Variants in MFSD6 observed in about 807,000 individuals in gnomAD.
MFSD6 encodes the protein major facilitator superfamily domain containing 6, also known as major facilitator superfamily domain-containing protein 6.
Under a neutral mutation model 56.3 loss-of-function variants are expected in MFSD6, and 26 were observed. That is an observed-to-expected ratio of 0.46 (90% CI 0.34 to 0.64). MFSD6 has a LOEUF of 0.64. Ranked by LOEUF, MFSD6 falls within the 30% of genes least tolerant of loss-of-function variation. The pLI is 0.01. For synonymous variants in MFSD6, 331 were observed against 366.9 expected, an observed-to-expected ratio of 0.90 and a Z score of 1.12; for missense variants, 750 against 986.2, an observed-to-expected ratio of 0.76 and a Z score of 3.21.
At chr2:190,453,117 A>C (rs1433537144) in intron 3 of MFSD6, among the ~76,000 whole-genome samples, 3 of 152,140 alleles carry the variant, frequency 2.0e-5, no homozygotes, top group Admixed American at 1.3e-4. Context: ...CAGAAATGTT[A>C]GGTTTGGTGC....
intron 2 of MFSD6, among the ~76,000 whole-genome samples, chr2:190,432,427 T>C (rs1033312042): frequency 6.6e-6 from 1 of 152,112 alleles, no homozygotes; most frequent in Non-Finnish European, 1.5e-5. Flanking sequence ...TTTGTTTTTG[T>C]TTTTTGAGAC....
rs1324965473 is a variant in MFSD6 at position 190,415,851 on chromosome 2, A to G, written c.-54+438A>G. On this transcript the variant is annotated intron_variant, in intron 2 of 7. Transcript: ENST00000392328. The surrounding 1 kb of genome is among the most constrained non-coding windows in gnomAD (Gnocchi z 4.5). ...TTCTGGTCTCAATTGTAAACTCATA[A>G]AAGGTCTGAGAAAGAAGCACCCATA... Among the ~76,000 whole-genome samples, 3 of 152,214 alleles carry G rather than the reference A, an allele frequency of 2.0e-5. No homozygotes were observed. The highest frequency in any genetic ancestry group is 2.9e-5 in the Non-Finnish European group (2 of 68,034).
At chr2:190,422,488 G>A (rs1010916866) in intron 2 of MFSD6, among the ~76,000 whole-genome samples, 2 of 152,188 alleles carry the variant, frequency 1.3e-5, no homozygotes, top group Admixed American at 6.5e-5. Flanking sequence ...GAAATTGCAT[G>A]TGTAAAATGT....
In MFSD6 at chr2:190,490,952, A is replaced by G. The variant is rs1689311579; in HGVS notation, c.1891+1086A>G. Among the ~76,000 whole-genome samples, 2 of 152,206 alleles carry G rather than the reference A, an allele frequency of 1.3e-5. No homozygotes were observed. Among genetic ancestry groups the G allele is most frequent in the South Asian group, 4.1e-4 (2 of 4,832 alleles). The stretch of plus-strand genomic sequence containing the variant: ...CTTACTTTTGTTCTTTTATAATCCT[A>G]AATGGATTCTCTCTCTTACACAGCC... On this transcript the variant is annotated intron_variant, in intron 6 of 7. Coordinates refer to ENST00000392328, the MANE Select transcript of MFSD6 (RefSeq NM_017694.4). The surrounding 1 kb of genome is among the most constrained non-coding windows in gnomAD (Gnocchi z 4.5).
intron 3 of MFSD6, among the ~76,000 whole-genome samples, chr2:190,442,384 G>A (rs1293560747): frequency 6.6e-6 from 1 of 152,144 alleles, no homozygotes; most frequent in Non-Finnish European, 1.5e-5. Flanking sequence ...TGGATGCTGG[G>A]ATCAGTAACC....
In MFSD6 at chr2:190,489,459, A is replaced by G. The variant is rs1345036059; in HGVS notation, c.1793-309A>G. 6.6e-6 allele frequency among the ~76,000 whole-genome samples: 1 copy of G among 152,182 alleles called. No homozygotes were observed. Among genetic ancestry groups the G allele is most frequent in the Non-Finnish European group, 1.5e-5 (1 of 68,030 alleles). On this transcript the variant is annotated intron_variant, in intron 5 of 7. Transcript: ENST00000392328. The surrounding 1 kb of genome is among the most constrained non-coding windows in gnomAD (Gnocchi z 6.6). ...GTGCTGTTAGTTAATAATTGGGTAA[A>G]TGGTCTTTTCATATGAAGAGGAGAG...
chr2:190,467,691 TG>T lies in MFSD6; in HGVS notation c.1533-2066del, dbSNP rs1323508757. ...CACTGACCAAATCTGGCCTGCTGCC[TG>T]TTTTTATATGGCCCGTGAACTAAGA... On this transcript the variant is annotated intron_variant, in intron 3 of 7. Coordinates refer to ENST00000392328, the MANE Select transcript of MFSD6 (RefSeq NM_017694.4). This position sits in a 1 kb window ranked among gnomAD's most constrained non-coding sequence, Gnocchi z 5.5. 6.6e-6 allele frequency among the ~76,000 whole-genome samples: 1 copy of T among 152,194 alleles called. No homozygotes were observed. The highest frequency in any genetic ancestry group is 1.5e-5 in the Non-Finnish European group (1 of 68,036).
At chr2:190,408,193 G>A (rs1249815715), upstream of MFSD6, among the ~76,000 whole-genome samples, 1 of 151,938 alleles carries the variant, frequency 6.6e-6, no homozygotes, top group African/African-American at 2.4e-5. Flanking sequence ...CCAGCCGGTA[G>A]TGACCGGCGG....
At chr2:190,473,660 C>G (rs560812061) in intron 4 of MFSD6, among the ~76,000 whole-genome samples, 2 of 152,302 alleles carry the variant, frequency 1.3e-5, no homozygotes, top group East Asian at 3.9e-4. Flanking sequence ...TTAGACAGAT[C>G]AACGAGACAG....
rs1166830928 is a variant in MFSD6 at position 190,487,964 on chromosome 2, G to A, written c.1631-693G>A. Among the ~76,000 whole-genome samples, 9 of 152,038 alleles carry A rather than the reference G, an allele frequency of 5.9e-5. No individual in the cohort carries two copies. The highest frequency in any genetic ancestry group is 1.9e-4 in the East Asian group (1 of 5,182). On this transcript the variant is annotated intron_variant, in intron 4 of 7. Coordinates refer to ENST00000392328, the MANE Select transcript of MFSD6 (RefSeq NM_017694.4). The surrounding 1 kb of genome is among the most constrained non-coding windows in gnomAD (Gnocchi z 5.5). ...TTGCCAGGCTGGGGAGTGCAGTGGC[G>A]TGATCTTGGCTCACTGCAACCTCTG...
rs1685780860 is a variant in MFSD6 at position 190,426,227 on chromosome 2, G to T, written c.-53-9750G>T. On this transcript the variant is annotated intron_variant, in intron 2 of 7. Coordinates refer to ENST00000392328, the MANE Select transcript of MFSD6 (RefSeq NM_017694.4). The surrounding 1 kb of genome is among the most constrained non-coding windows in gnomAD (Gnocchi z 4.7). The stretch of plus-strand genomic sequence containing the variant: ...AGTTACAGTCCCATAGGTCCTTAAG[G>T]CTCTTTCACTTTATTTTCTCTCTGT... Among the ~76,000 whole-genome samples the T allele has an allele frequency of 6.6e-6, 1 of 152,026 alleles. No individual in the cohort carries two copies. Among genetic ancestry groups the T allele is most frequent in the African/African-American group, 2.4e-5 (1 of 41,400 alleles).
intron 3 of MFSD6, chr2:190,444,987 T>C (rs1686519526): frequency 2.6e-6 from 1 of 382,194 alleles, no homozygotes; most frequent in African/African-American, 2.2e-5. Context: ...AGTCCAGGCC[T>C]CTTATTTTAC....
intron 4 of MFSD6, chr2:190,477,420 A>G (rs1688401157): frequency 2.2e-6 from 2 of 923,474 alleles, no homozygotes; most frequent in South Asian, 5.0e-5. Flanking sequence ...TTATAATAAT[A>G]CATGCATATA....
Position 190,417,036 on chromosome 2 carries a change from A to G in MFSD6, c.-54+1623A>G, listed in dbSNP as rs1268384859. On this transcript the variant is annotated intron_variant, in intron 2 of 7. Coordinates refer to ENST00000392328, the MANE Select transcript of MFSD6 (RefSeq NM_017694.4). The surrounding 1 kb of genome is among the most constrained non-coding windows in gnomAD (Gnocchi z 5.7). ...TAGATTCCTCCCTCGAGGGGTATAC[A>G]GTCTTGTTGGGCAAACGAGATATCT... 6.6e-6 allele frequency among the ~76,000 whole-genome samples: 1 copy of G among 152,136 alleles called. No individual in the cohort carries two copies. Among genetic ancestry groups the G allele is most frequent in the African/African-American group, 2.4e-5 (1 of 41,426 alleles).
chr2:190,409,198 T>C (rs1413882745), intron 1 of MFSD6, among the ~76,000 whole-genome samples: 1 of 152,176 alleles, frequency 6.6e-6, no homozygotes, highest in Non-Finnish European at 1.5e-5. Context: ...GTTGCTAGTC[T>C]TTCTGGGTCA....
At position 190,488,570 on chromosome 2, in the gene MFSD6, G is replaced by T; in HGVS notation, c.1631-87G>T. 5 of 1,163,870 alleles carry T rather than the reference G, an allele frequency of 4.3e-6. No individual in the cohort carries two copies. The highest frequency in any genetic ancestry group is 4.6e-6 in the Non-Finnish European group (4 of 872,884). 72.1% of individuals were successfully genotyped at this position (1,163,870 alleles called of 1,614,324 possible). A position where few individuals can be genotyped will look rare whatever the true frequency, so the allele number is the denominator to read the frequency against. On this transcript the variant is annotated intron_variant, in intron 4 of 7. Coordinates refer to ENST00000392328, the MANE Select transcript of MFSD6 (RefSeq NM_017694.4). The surrounding 1 kb of genome is among the most constrained non-coding windows in gnomAD (Gnocchi z 6.4). The stretch of plus-strand genomic sequence containing the variant: ...TTCCCACAACAAATCTTAAAAATAG[G>T]TGCCTAGTTAAATAATTCACATTTC...
At position 190,485,210 on chromosome 2, in the gene MFSD6, G is replaced by C. The variant is rs1458247192; in HGVS notation, c.1631-3447G>C. On this transcript the variant is annotated intron_variant, in intron 4 of 7. Coordinates refer to ENST00000392328, the MANE Select transcript of MFSD6 (RefSeq NM_017694.4). This position sits in a 1 kb window ranked among gnomAD's most constrained non-coding sequence, Gnocchi z 5.1. Reference sequence around the variant, plus strand: ...GGGGAAAATAGATACAAACCCTGTGGTTGGAAGAGTTTGTGTGTGTCCAAG... The same window carrying C: ...GGGGAAAATAGATACAAACCCTGTGCTTGGAAGAGTTTGTGTGTGTCCAAG... 6.6e-6 allele frequency among the ~76,000 whole-genome samples: 1 copy of C among 152,186 alleles called. No homozygotes were observed. The highest frequency in any genetic ancestry group is 1.5e-5 in the Non-Finnish European group (1 of 68,012).
chr2:190,419,166 A>C (rs2124993324), intron 2 of MFSD6, among the ~76,000 whole-genome samples: 1 of 152,324 alleles, frequency 6.6e-6, no homozygotes, highest in East Asian at 1.9e-4. Context: ...ATCTATGGGA[A>C]TTGACCTCGC....
rs1248477426 is a variant in MFSD6, at chr2:190,487,460, A to G, written c.1631-1197A>G. 6.6e-6 allele frequency among the ~76,000 whole-genome samples: 1 copy of G among 152,250 alleles called. No individual in the cohort carries two copies. Among genetic ancestry groups the G allele is most frequent in the Non-Finnish European group, 1.5e-5 (1 of 68,044 alleles). ...AAAAAGCAATGTTAACCATGATGCT[A>G]ATTATAATGGGGAAAAGTAGAAATA... On this transcript the variant is annotated intron_variant, in intron 4 of 7. Transcript: ENST00000392328. The surrounding 1 kb of genome is among the most constrained non-coding windows in gnomAD (Gnocchi z 5.5).
Sources: gnomAD v4.1 joint callset for allele counts (sites outside exome capture counted in the v4.1 genomes callset) on GRCh38, gnomAD v4.1.1 for gene constraint, Gnocchi (gnomAD v3.1) non-coding constraint, MANE v1.5 for transcripts, NCBI Gene and HGNC (gene_info 2026-07-23, HGNC 2026-07-21) for gene names.